The following CCDC85A variants were observed in gnomAD, a reference collection of about 807,000 sequenced individuals.
CCDC85A encodes the protein coiled-coil domain-containing protein 85A.
Under a neutral mutation model 50.2 loss-of-function variants are expected in CCDC85A, and 38 were observed. That is an observed-to-expected ratio of 0.76 (90% CI 0.58 to 0.99). The LOEUF is 0.99. Among genes scored for constraint, CCDC85A ranks in the 50% least tolerant of loss-of-function variants. CCDC85A has a pLI of 0.00. For synonymous variants in CCDC85A, 366 were observed against 301.4 expected (o/e 1.21, Z -2.22); for missense variants, 820 against 742.0 (o/e 1.11, Z -1.22).
At chr2:56,308,427 C>A (rs1205491278) in intron 2 of CCDC85A, among the ~76,000 whole-genome samples, 2 of 152,070 alleles carry the variant, frequency 1.3e-5, no homozygotes, top group Non-Finnish European at 2.9e-5. Context: ...CTTAGAAGAT[C>A]AACTTAATGT....
intron 5 of CCDC85A, among the ~76,000 whole-genome samples, chr2:56,380,637 T>A (rs76584582): frequency 0.062 from 9,322 of 151,196 alleles, 348 homozygotes; most frequent in Non-Finnish European, 0.09. Flanking sequence ...AAAAAATAAA[T>A]AAATAAATAA....
intron 2 of CCDC85A, among the ~76,000 whole-genome samples, chr2:56,247,713 A>G (rs943959432): frequency 6.6e-6 from 1 of 152,232 alleles, no homozygotes; most frequent in African/African-American, 2.4e-5. Context: ...CTGTAAAAAG[A>G]TATCATAAGG....
intron 2 of CCDC85A, among the ~76,000 whole-genome samples, chr2:56,312,721 T>A (rs1270542923): frequency 6.6e-6 from 1 of 152,150 alleles, no homozygotes; most frequent in Non-Finnish European, 1.5e-5. Flanking sequence ...TTTTAAGGAT[T>A]TTAACTTGGC....
At chr2:56,220,392 A>T (rs1320382955) in intron 2 of CCDC85A, among the ~76,000 whole-genome samples, 1 of 152,000 alleles carries the variant, frequency 6.6e-6, no homozygotes, top group Non-Finnish European at 1.5e-5. Context: ...AAAATACTAA[A>T]CTATTAACAT....
At chr2:56,215,270 G>T (rs1677343262) in intron 2 of CCDC85A, among the ~76,000 whole-genome samples, 1 of 151,846 alleles carries the variant, frequency 6.6e-6, no homozygotes, top group Admixed American at 6.6e-5. Context: ...AGGTTTTCTT[G>T]TTGTTGGCGG....
intron 2 of CCDC85A, among the ~76,000 whole-genome samples, chr2:56,324,603 A>C (rs1673373752): frequency 6.6e-6 from 1 of 152,034 alleles, no homozygotes; most frequent in South Asian, 2.1e-4. Flanking sequence ...GACCAGGTAG[A>C]CTTTTTAAAA....
At chr2:56,359,939 G>A (rs1459883647) in intron 3 of CCDC85A, among the ~76,000 whole-genome samples, 1 of 152,146 alleles carries the variant, frequency 6.6e-6, no homozygotes, top group Non-Finnish European at 1.5e-5. Flanking sequence ...GGAGAACAAA[G>A]GCTAGTTCAC....
intron 5 of CCDC85A, among the ~76,000 whole-genome samples, chr2:56,380,326 G>A (rs909061240): frequency 6.6e-6 from 1 of 152,006 alleles, no homozygotes; most frequent in East Asian, 1.9e-4. Context: ...CATGTCATGC[G>A]AAGTATTATC....
chr2:56,192,568 C>A lies in CCDC85A; in HGVS notation c.368C>A (p.Ser123Tyr), dbSNP rs779365299. ...DDDRQKGKRV[S>Y]REWQRLGRYT... ...GACCGGCAGAAAGGCAAGAGGGTGTCTCGGGAGTGGCAGAGACTGGGTCGC... is the reference window on the plus strand; with the variant it reads ...GACCGGCAGAAAGGCAAGAGGGTGTATCGGGAGTGGCAGAGACTGGGTCGC... Residue 123 changes from serine (S) to tyrosine (Y), a missense_variant, in exon 2 of 6, where the codon TCT (serine) becomes TAT (tyrosine). Ser to Tyr is a moderately radical substitution (Grantham distance 144). Transcript: ENST00000407595. The surrounding 1 kb of genome is among the most constrained non-coding windows in gnomAD (Gnocchi z 4.7). The A allele has an allele frequency of 6.2e-7, 1 of 1,613,828 alleles. No individual in the cohort carries two copies. The highest frequency in any genetic ancestry group is 1.7e-5 in the Admixed American group (1 of 60,004).
At chr2:56,342,024 G>T (rs1431764687) in intron 2 of CCDC85A, among the ~76,000 whole-genome samples, 1 of 149,888 alleles carries the variant, frequency 6.7e-6, no homozygotes, top group East Asian at 1.9e-4. Flanking sequence ...AGTTTATTTT[G>T]GTTATAGTTA....
At chr2:56,210,573 T>A (rs1677141551) in intron 2 of CCDC85A, among the ~76,000 whole-genome samples, 1 of 152,168 alleles carries the variant, frequency 6.6e-6, no homozygotes, top group East Asian at 1.9e-4. Context: ...CTGAGGAGAC[T>A]TACATTCTGA....
In CCDC85A at chr2:56,355,361, T is replaced by TC. The variant is rs747414033; in HGVS notation, c.1317+12409dup. On this transcript the variant is annotated intron_variant, in intron 3 of 5. Transcript: ENST00000407595. ...AGACAGTCTGTTCAGAATTTTTTTT[T>TC]CCCTTTGAAAGCACTGTATTCTTCT... Among the ~76,000 whole-genome samples, 4 of 152,174 alleles carry TC rather than the reference T, an allele frequency of 2.6e-5. 1 individual carries two copies. Among genetic ancestry groups the TC allele is most frequent in the Non-Finnish European group, 5.9e-5 (4 of 68,038 alleles).
chr2:56,366,811 A>G (rs185715418), intron 3 of CCDC85A, among the ~76,000 whole-genome samples: 28 of 152,220 alleles, frequency 1.8e-4, no homozygotes, highest in Non-Finnish European at 4.4e-5. Flanking sequence ...ATAGGCTACA[A>G]TCCTTCACCA....
At chr2:56,234,481 TG>T (rs1277489476) in intron 2 of CCDC85A, among the ~76,000 whole-genome samples, 1 of 152,196 alleles carries the variant, frequency 6.6e-6, no homozygotes, top group African/African-American at 2.4e-5. Flanking sequence ...CAAAATGTCT[TG>T]GCTGCAATTA....
intron 3 of CCDC85A, among the ~76,000 whole-genome samples, chr2:56,352,354 T>C (rs1674993530): frequency 6.6e-6 from 1 of 152,184 alleles, no homozygotes; most frequent in Admixed American, 6.5e-5. Flanking sequence ...TTTGAGTCTT[T>C]CTTTTTCTTT....
rs570093385 is a variant in CCDC85A at position 56,291,693 on chromosome 2, G to C, written c.1241-51186G>C. On this transcript the variant is annotated intron_variant, in intron 2 of 5. Coordinates refer to ENST00000407595, the MANE Select transcript of CCDC85A (RefSeq NM_001080433.2). Reference sequence around the variant, plus strand: ...GACAAAGGGACACATAGCATGAAAGGTTGGAAATGTAGATAGAACACGTAA... The same window carrying C: ...GACAAAGGGACACATAGCATGAAAGCTTGGAAATGTAGATAGAACACGTAA... Among the ~76,000 whole-genome samples the C allele has an allele frequency of 1.6e-4, 25 of 151,902 alleles. 1 individual carries two copies. In the South Asian group the frequency reaches 4.6e-3, roughly 28 times the overall value.
At chr2:56,329,937 G>A (rs1673681643) in intron 2 of CCDC85A, among the ~76,000 whole-genome samples, 2 of 41,240 alleles carry the variant, frequency 4.8e-5, no homozygotes, top group African/African-American at 1.5e-4. Flanking sequence ...GTTTTTTACA[G>A]ATTTCCTGTT....
At chr2:56,274,555 C>T (rs1027883673) in intron 2 of CCDC85A, among the ~76,000 whole-genome samples, 5 of 152,128 alleles carry the variant, frequency 3.3e-5, no homozygotes, top group African/African-American at 1.2e-4. Context: ...TTGGATAAAG[C>T]CCACCCACAT....
chr2:56,269,252 C>T (rs1670592181), intron 2 of CCDC85A, among the ~76,000 whole-genome samples: 1 of 152,172 alleles, frequency 6.6e-6, no homozygotes, highest in Admixed American at 6.5e-5. Context: ...CCCAGTCATT[C>T]CCAATTAAAT....
Sources: allele counts gnomAD v4.1 joint callset (sites outside exome capture counted in the v4.1 genomes callset), GRCh38; gene constraint gnomAD v4.1.1; non-coding constraint Gnocchi (gnomAD v3.1); transcripts MANE v1.5; gene names NCBI Gene and HGNC (gene_info 2026-07-23, HGNC 2026-07-21).